CCND3: variants seen among roughly 807,000 people sequenced by gnomAD.
CCND3 encodes the protein G1/S-specific cyclin-D3.
A neutral mutation model predicts 28.7 loss-of-function variants in CCND3; 9 were observed. The observed-to-expected ratio is 0.31, with a 90% CI of 0.19 to 0.55. CCND3 has a LOEUF of 0.55. CCND3 is among the 20% of genes least tolerant of loss of function. The probability of loss-of-function intolerance (pLI) is 0.93; values close to 1 mark genes in which losing one functional copy is unlikely to be tolerated. For missense variants in CCND3, 315 were observed against 385.8 expected (o/e 0.82, Z 1.54); for synonymous variants, 164 against 163.9 (o/e 1.00, Z 0.00).
intron 1 of CCND3, among the ~76,000 whole-genome samples, chr6:42,036,929 TTTTTG>T (rs1310349191): frequency 3.3e-5 from 5 of 152,112 alleles, no homozygotes; most frequent in East Asian, 3.9e-4. Context: ...GCTTATGGAT[TTTTTG>T]TTTTGTTTTG....
chr6:41,974,489 T>C (rs2127409250), intron 1 of CCND3, among the ~76,000 whole-genome samples: 1 of 152,244 alleles, frequency 6.6e-6, no homozygotes, highest in Middle Eastern at 3.4e-3. Flanking sequence ...TAGGGCTCAC[T>C]CAGTGTACAG....
At chr6:41,944,275 T>C (rs545293440), upstream of CCND3, among the ~76,000 whole-genome samples, 1 of 152,254 alleles carries the variant, frequency 6.6e-6, no homozygotes, top group Admixed American at 6.5e-5. Context: ...AGTTCAAGGC[T>C]GCAGTGAACC....
At chr6:42,040,247 G>T (rs1764330809) in intron 1 of CCND3, among the ~76,000 whole-genome samples, 5 of 151,936 alleles carry the variant, frequency 3.3e-5, no homozygotes, top group Non-Finnish European at 7.4e-5. Context: ...ACGAAACCCT[G>T]TCTCTACTAA....
chr6:42,020,734 C>G (rs769050372), intron 1 of CCND3, among the ~76,000 whole-genome samples: 2 of 152,190 alleles, frequency 1.3e-5, no homozygotes, highest in Non-Finnish European at 2.9e-5. Context: ...GCAGTCACCC[C>G]CTTTATCCAG....
chr6:41,989,229 C>CGGGT (rs1428226755), intron 1 of CCND3, among the ~76,000 whole-genome samples: 2 of 151,838 alleles, frequency 1.3e-5, no homozygotes, highest in African/African-American at 2.4e-5. Context: ...GAGGCTAAGG[C>CGGGT]GGGTGGATCA....
intron 1 of CCND3, among the ~76,000 whole-genome samples, chr6:41,963,459 T>C (rs1226913582): frequency 6.6e-6 from 1 of 152,224 alleles, no homozygotes; most frequent in Non-Finnish European, 1.5e-5. Context: ...GTGTGCTTTA[T>C]TGAAGCTGCC....
chr6:42,036,403 A>ATATATATATATTT (rs57619585), intron 1 of CCND3, among the ~76,000 whole-genome samples: 3 of 31,318 alleles, frequency 9.6e-5, no homozygotes, highest in African/African-American at 4.3e-4. Flanking sequence ...ATATATATAT[A>ATATATATATATTT]TTTTTTTTTT....
intron 1 of CCND3, among the ~76,000 whole-genome samples, chr6:41,981,672 T>C (rs990365039): frequency 6.6e-6 from 1 of 151,950 alleles, no homozygotes; most frequent in African/African-American, 2.4e-5. Context: ...TACAGGCATG[T>C]GCCACCACAC....
At chr6:41,941,904 G>A (rs972873174), upstream of CCND3, 2 of 208,684 alleles carry the variant, frequency 9.6e-6, no homozygotes, top group Non-Finnish European at 1.9e-5. The surrounding 1 kb of genome is among the most constrained non-coding windows in gnomAD (Gnocchi z 6.1). Flanking sequence ...GACGGAAAGG[G>A]TTGGCTGAGC....
chr6:41,975,501 G>A (rs765015829), intron 1 of CCND3, among the ~76,000 whole-genome samples: 7 of 152,150 alleles, frequency 4.6e-5, no homozygotes, highest in African/African-American at 1.4e-4. Context: ...ACACCCCCAC[G>A]GCCACATCTA....
In CCND3 at chr6:41,935,543, A is replaced by C; in HGVS notation, c.*397T>G. 1 of 371,796 alleles carries C rather than the reference A, an allele frequency of 2.7e-6. No individual in the cohort carries two copies. The highest frequency in any genetic ancestry group is 4.9e-6 in the Non-Finnish European group (1 of 205,052). The allele number at this position is 371,796 out of a possible 1,614,324, so 23.0% of individuals were successfully genotyped here. A position where few individuals can be genotyped will look rare whatever the true frequency, so the allele number is the denominator to read the frequency against. On this transcript the variant is annotated 3_prime_UTR_variant, in exon 5 of 5. Coordinates refer to ENST00000372991, the MANE Select transcript of CCND3 (RefSeq NM_001760.5). The stretch of plus-strand genomic sequence containing the variant: ...AGAGGGACCCCAATCCAAATGCAAT[A>C]ACCCTAGAAGGGACAACACCTTTAG...
At chr6:42,049,936 G>C (rs1158178368), upstream of CCND3, 1 of 152,212 alleles carries the variant, frequency 6.6e-6, no homozygotes, top group East Asian at 1.9e-4. Context: ...GACAAGTTTG[G>C]AAAACCCTGC....
rs201172499 is a variant in CCND3 at position 42,016,319 on chromosome 6, AT to A, written c.-46+32181del. Among the ~76,000 whole-genome samples the A allele has an allele frequency of 7.9e-3, 1,203 of 152,258 alleles. 12 individuals carry two copies. The highest frequency in any genetic ancestry group is 0.014 in the Middle Eastern group (4 of 294). ...TCTTCCCATCTAGCTGAATTTTTGT[AT>A]CTTTTGGCCAACATAAAAAGATATT... On this transcript the variant is annotated intron_variant, in intron 1 of 4. Coordinates refer to the CCND3 transcript ENST00000372988.
At chr6:41,943,072 CAGGCT>C (rs1179016019), upstream of CCND3, among the ~76,000 whole-genome samples, 1 of 151,924 alleles carries the variant, frequency 6.6e-6, no homozygotes, top group Non-Finnish European at 1.5e-5. Flanking sequence ...CTATGTTGGC[CAGGCT>C]AGTCTTGAAC....
intron 1 of CCND3, among the ~76,000 whole-genome samples, chr6:42,019,197 G>C (rs1348185204): frequency 6.6e-6 from 1 of 151,906 alleles, no homozygotes; most frequent in African/African-American, 2.4e-5. Flanking sequence ...AAAACAAAAA[G>C]GAAATGTAGG....
intron 1 of CCND3, among the ~76,000 whole-genome samples, chr6:41,982,285 AAAAAG>A (rs1762368984): frequency 6.6e-6 from 1 of 152,064 alleles, no homozygotes; most frequent in Non-Finnish European, 1.5e-5. Flanking sequence ...AAAAAAAAAA[AAAAAG>A]TTCATCATTT....
chr6:41,963,224 C>T (rs1297714113), intron 1 of CCND3, among the ~76,000 whole-genome samples: 1 of 152,208 alleles, frequency 6.6e-6, no homozygotes, highest in Non-Finnish European at 1.5e-5. Context: ...CAATCTCCAC[C>T]TCTTGAAATG....
intron 1 of CCND3, among the ~76,000 whole-genome samples, chr6:41,990,242 G>A (rs758084792): frequency 5.9e-5 from 9 of 151,878 alleles, no homozygotes; most frequent in Non-Finnish European, 8.8e-5. Context: ...TACCAAGGAG[G>A]TGAAAGACTT....
At chr6:42,021,063 A>G (rs1022731967) in intron 1 of CCND3, among the ~76,000 whole-genome samples, 2 of 152,156 alleles carry the variant, frequency 1.3e-5, no homozygotes, top group African/African-American at 2.4e-5. Flanking sequence ...CAGTTTCACT[A>G]TCTTTGGTTT....
Sources: gnomAD v4.1 joint callset for allele counts (sites outside exome capture counted in the v4.1 genomes callset) on GRCh38, gnomAD v4.1.1 for gene constraint, Gnocchi (gnomAD v3.1) non-coding constraint, MANE v1.5 for transcripts, NCBI Gene and HGNC (gene_info 2026-07-23, HGNC 2026-07-21) for gene names.